NSMCE2: variants seen among roughly 807,000 people sequenced by gnomAD.
The protein encoded by NSMCE2 is E3 SUMO-protein ligase NSE2.
A neutral mutation model predicts 23.8 loss-of-function variants in NSMCE2; 24 were observed. The observed-to-expected ratio is 1.01, with a 90% CI of 0.73 to 1.42. The LOEUF is 1.42. NSMCE2 is among the 40% of genes most tolerant of loss of function. NSMCE2 has a pLI of 0.00. For synonymous variants in NSMCE2, 92 were observed against 94.1 expected, an observed-to-expected ratio of 0.98 and a Z score of 0.13; for missense variants, 284 against 296.5, an observed-to-expected ratio of 0.96 and a Z score of 0.31.
At chr8:125,271,775 A>C (rs1045721261) in intron 5 of NSMCE2, among the ~76,000 whole-genome samples, 1 of 152,160 alleles carries the variant, frequency 6.6e-6, no homozygotes, top group Non-Finnish European at 1.5e-5. Context: ...CATGCTTTTT[A>C]ATGACTCTGT....
intron 4 of NSMCE2, among the ~76,000 whole-genome samples, chr8:125,165,267 G>A (rs1001434491): frequency 6.6e-6 from 1 of 152,222 alleles, no homozygotes; most frequent in Non-Finnish European, 1.5e-5. Flanking sequence ...GAGGCCTCAT[G>A]TAGCAGGCAT....
intron 5 of NSMCE2, among the ~76,000 whole-genome samples, chr8:125,325,005 GA>G (rs1829607138): frequency 6.6e-6 from 1 of 152,126 alleles, no homozygotes; most frequent in Non-Finnish European, 1.5e-5. Context: ...GCAACTTTGT[GA>G]ACAATCAACA....
chr8:125,333,648 A>G lies in NSMCE2; in HGVS notation c.419-23571A>G, dbSNP rs374694989. Among the ~76,000 whole-genome samples the G allele has an allele frequency of 8.6e-4, 128 of 149,202 alleles. 1 individual carries two copies. In the East Asian group the frequency reaches 0.023, roughly 27 times the overall value. On this transcript the variant is annotated intron_variant, in intron 5 of 7. Transcript: ENST00000287437. ...TCCTGCCTCAGCCTCCCAAGTAGCTAGGACTACAGGCGCCCGCCACTACGC... is the reference window on the plus strand; with the variant it reads ...TCCTGCCTCAGCCTCCCAAGTAGCTGGGACTACAGGCGCCCGCCACTACGC...
intron 5 of NSMCE2, among the ~76,000 whole-genome samples, chr8:125,222,192 T>A (rs569020635): frequency 1.5e-4 from 23 of 152,190 alleles, no homozygotes; most frequent in South Asian, 1.0e-3. Flanking sequence ...TTAAAAAGAT[T>A]AGGTATAAGG....
At chr8:125,295,949 T>C (rs1159731843) in intron 5 of NSMCE2, among the ~76,000 whole-genome samples, 3 of 152,212 alleles carry the variant, frequency 2.0e-5, no homozygotes, top group African/African-American at 7.2e-5. Flanking sequence ...TCCTGAACCA[T>C]GTGCCTTCAC....
chr8:125,158,603 A>G (rs1821444071), intron 4 of NSMCE2, among the ~76,000 whole-genome samples: 1 of 152,196 alleles, frequency 6.6e-6, no homozygotes, highest in Admixed American at 6.5e-5. Context: ...TCTTTGAATT[A>G]CCCAAATGAT....
At chr8:125,344,002 T>C (rs932883271) in intron 5 of NSMCE2, among the ~76,000 whole-genome samples, 1 of 152,080 alleles carries the variant, frequency 6.6e-6, no homozygotes, top group African/African-American at 2.4e-5. Flanking sequence ...GGAGACTCCA[T>C]CTCAAACAAA....
At chr8:125,129,572 G>GTC (rs1554605728) in intron 3 of NSMCE2, among the ~76,000 whole-genome samples, 179 of 151,864 alleles carry the variant, frequency 1.2e-3, no homozygotes, top group African/African-American at 4.1e-3. Flanking sequence ...GTGTGTGTGT[G>GTC]TGTGTGTCTG....
chr8:125,120,027 G>T (rs1270572304), intron 3 of NSMCE2, among the ~76,000 whole-genome samples: 1 of 152,042 alleles, frequency 6.6e-6, no homozygotes, highest in Non-Finnish European at 1.5e-5. Flanking sequence ...ATTACTTTTA[G>T]AAATGTTTTA....
chr8:125,357,802 C>T lies in NSMCE2; in HGVS notation c.610C>T (p.Arg204Trp), dbSNP rs137953740. Reference sequence around the variant, plus strand: ...TCGCATGATTGAGTCCAGGCAAAAGCGGAAGAAAAAGGCCTAGTGAGTGGA... The same window carrying T: ...TCGCATGATTGAGTCCAGGCAAAAGTGGAAGAAAAAGGCCTAGTGAGTGGA... ...IVRMIESRQK[R>W]KKKAYCPQIG... Residue 204 changes from arginine (R) to tryptophan (W), a missense_variant, in exon 7 of 8, where the codon CGG (arginine) becomes TGG (tryptophan). Transcript: ENST00000287437. 22 of 1,613,196 alleles carry T rather than the reference C, an allele frequency of 1.4e-5. No homozygotes were observed. The highest frequency in any genetic ancestry group is 1.6e-4 in the Middle Eastern group (1 of 6,082).
chr8:125,220,868 C>T (rs549542175), intron 5 of NSMCE2, among the ~76,000 whole-genome samples: 7 of 152,146 alleles, frequency 4.6e-5, no homozygotes, highest in Middle Eastern at 3.2e-3. Flanking sequence ...ATTTGAGTTG[C>T]TGCCAAGTCT....
At chr8:125,283,399 C>T (rs1827771001) in intron 5 of NSMCE2, among the ~76,000 whole-genome samples, 1 of 152,048 alleles carries the variant, frequency 6.6e-6, no homozygotes, top group Non-Finnish European at 1.5e-5. Context: ...ATTAGCTGCT[C>T]ATGGTGACCT....
chr8:125,222,434 C>T (rs1019811792), intron 5 of NSMCE2, among the ~76,000 whole-genome samples: 1 of 152,088 alleles, frequency 6.6e-6, no homozygotes, highest in Non-Finnish European at 1.5e-5. Context: ...ATGTGATTTT[C>T]GTGCTGTGCA....
At chr8:125,237,684 G>T (rs1241935686) in intron 5 of NSMCE2, among the ~76,000 whole-genome samples, 1 of 152,172 alleles carries the variant, frequency 6.6e-6, no homozygotes. Flanking sequence ...TCAGTGTCTT[G>T]TGAGTTTTGT....
chr8:125,200,037 T>C (rs1823795480), intron 5 of NSMCE2, among the ~76,000 whole-genome samples: 1 of 152,212 alleles, frequency 6.6e-6, no homozygotes, highest in African/African-American at 2.4e-5. Context: ...TAGATCTTCC[T>C]CCATCCCTTT....
chr8:125,204,405 A>C (rs187373497), intron 5 of NSMCE2, among the ~76,000 whole-genome samples: 1 of 152,330 alleles, frequency 6.6e-6, no homozygotes, highest in Admixed American at 6.5e-5. Flanking sequence ...AGGACACTAT[A>C]CTGTGACTTC....
chr8:125,349,232 ATAAC>A (rs1459969089), intron 5 of NSMCE2, among the ~76,000 whole-genome samples: 2 of 152,226 alleles, frequency 1.3e-5, no homozygotes, highest in Non-Finnish European at 2.9e-5. Context: ...CTCACATGCT[ATAAC>A]TAAAGAATTT....
intron 5 of NSMCE2, among the ~76,000 whole-genome samples, chr8:125,253,685 T>G (rs776299193): frequency 6.6e-6 from 1 of 152,220 alleles, no homozygotes; most frequent in Non-Finnish European, 1.5e-5. Context: ...CTTATCTTTA[T>G]ATGGAATTGC....
chr8:125,240,684 A>G (rs1479728434), intron 5 of NSMCE2, among the ~76,000 whole-genome samples: 1 of 151,560 alleles, frequency 6.6e-6, no homozygotes, highest in Non-Finnish European at 1.5e-5. Flanking sequence ...AAATCCCTGC[A>G]TGTGTGTCTG....
Sources: allele counts gnomAD v4.1 joint callset (sites outside exome capture counted in the v4.1 genomes callset), GRCh38; gene constraint gnomAD v4.1.1; transcripts MANE v1.5; gene names NCBI Gene and HGNC (gene_info 2026-07-23, HGNC 2026-07-21).